The following HMX2 variants were observed in gnomAD, a reference collection of about 807,000 sequenced individuals.
HMX2 encodes the protein H6 family homeobox 2.
In HMX2, 15 loss-of-function variants were observed where a neutral mutation model predicts 21.2. That is an observed-to-expected ratio of 0.71 (90% CI 0.47 to 1.09). HMX2 has a LOEUF of 1.09. HMX2 is among the 50% of genes least tolerant of loss of function. The probability of loss-of-function intolerance (pLI) is 0.00; values close to 1 mark genes in which losing one functional copy is unlikely to be tolerated. For synonymous variants in HMX2, 193 were observed against 181.0 expected, an observed-to-expected ratio of 1.07 and a Z score of -0.53; for missense variants, 440 against 381.5, an observed-to-expected ratio of 1.15 and a Z score of -1.28.
Position 123,150,072 on chromosome 10 carries a change from C to G in HMX2, c.771C>G (p.Ser257Arg). Residue 257 changes from serine to arginine, a missense_variant, in exon 2 of 2, where the codon AGC (serine) becomes AGG (arginine). By Grantham distance (110) the Ser-to-Arg change is moderately radical. Coordinates refer to ENST00000339992, the MANE Select transcript of HMX2 (RefSeq NM_005519.2). The surrounding 1 kb of genome is among the most constrained non-coding windows in gnomAD (Gnocchi z 4.2). ...AFPAPLYYPGSNLSALPLYNL... is the reference protein window; with the variant it reads ...AFPAPLYYPGRNLSALPLYNL... ...CCGCGCCGCTCTACTACCCGGGAAGCAACCTCTCGGCCTTACCTCTCTACA... is the reference window on the plus strand; with the variant it reads ...CCGCGCCGCTCTACTACCCGGGAAGGAACCTCTCGGCCTTACCTCTCTACA... 6.3e-7 allele frequency: 1 copy of G among 1,597,476 alleles called. No homozygotes were observed. Among genetic ancestry groups the G allele is most frequent in the African/African-American group, 1.3e-5 (1 of 74,846 alleles).
chr10:123,150,026 T>C lies in HMX2; in HGVS notation c.725T>C (p.Val242Ala). ...GACAGTTCGCTGCTGCGCGTGCCGG[T>C]GCCGCGCTCGCTCGCCTTTCCCGCG... is the stretch of plus-strand genomic sequence containing the variant. ...FRDSSLLRVP[V>A]PRSLAFPAPL... is the part of the protein sequence containing the mutation. Residue 242 changes from valine to alanine, a missense_variant, in exon 2 of 2, where the codon GTG becomes GCG. Val to Ala is a moderately conservative substitution (Grantham distance 64). Transcript: ENST00000339992. This position sits in a 1 kb window ranked among gnomAD's most constrained non-coding sequence, Gnocchi z 4.2. 1.2e-6 allele frequency: 2 copies of C among 1,607,572 alleles called. No individual in the cohort carries two copies. Among genetic ancestry groups the C allele is most frequent in the Non-Finnish European group, 1.7e-6 (2 of 1,178,454 alleles).
Position 123,150,201 on chromosome 10 carries a change from A to T in HMX2, c.*78A>T. On this transcript the variant is annotated 3_prime_UTR_variant, in exon 2 of 2. Transcript: ENST00000339992. This position sits in a 1 kb window ranked among gnomAD's most constrained non-coding sequence, Gnocchi z 4.2. ...TGTACTGTAAGCAGGGCTCCGGAGCAAGGCGGCGTGTTTCCAGAAATATGA... is the reference window on the plus strand; with the variant it reads ...TGTACTGTAAGCAGGGCTCCGGAGCTAGGCGGCGTGTTTCCAGAAATATGA... 5 of 1,242,602 alleles carry T rather than the reference A, an allele frequency of 4.0e-6. No individual in the cohort carries two copies. The South Asian group carries it at 4.7e-5, about 12-fold the overall frequency. 77.0% of individuals were successfully genotyped at this position (1,242,602 alleles called of 1,614,324 possible). A position where few individuals can be genotyped will look rare whatever the true frequency, so the allele number is the denominator to read the frequency against.
In HMX2 at chr10:123,150,042, C is replaced by G. The variant is rs781608041; in HGVS notation, c.741C>G (p.Ala247=). The G allele has an allele frequency of 1.2e-6, 2 of 1,604,510 alleles. No individual in the cohort carries two copies. Among genetic ancestry groups the G allele is most frequent in the Admixed American group, 1.7e-5 (1 of 59,534 alleles). ...LLRVPVPRSL[A]FPAPLYYPGS... ...GCGTGCCGGTGCCGCGCTCGCTCGC[C>G]TTTCCCGCGCCGCTCTACTACCCGG... The change falls in exon 2 of 2, where the codon GCC becomes GCG. Residue 247 remains alanine, a synonymous_variant. Coordinates refer to ENST00000339992, the MANE Select transcript of HMX2 (RefSeq NM_005519.2). The surrounding 1 kb of genome is among the most constrained non-coding windows in gnomAD (Gnocchi z 4.2).
chr10:123,150,603 G>A lies in HMX2; in HGVS notation c.*480G>A. 1 of 153,376 alleles carries A rather than the reference G, an allele frequency of 6.5e-6. No individual in the cohort carries two copies. Among genetic ancestry groups the A allele is most frequent in the African/African-American group, 2.4e-5 (1 of 41,544 alleles). The allele number at this position is 153,376 out of a possible 1,614,324, so 9.5% of individuals were successfully genotyped here. A position where few individuals can be genotyped will look rare whatever the true frequency, so the allele number is the denominator to read the frequency against. On this transcript the variant is annotated 3_prime_UTR_variant, in exon 2 of 2. Transcript: ENST00000339992. The surrounding 1 kb of genome is among the most constrained non-coding windows in gnomAD (Gnocchi z 4.2). ...TTTCCCTCATCCCGAGGATGGTAGG[G>A]ACGAAAAGGGGAGAGTTCAGATCTG...
Position 123,150,090 on chromosome 10 carries a change from T to G in HMX2, c.789T>G (p.Pro263=), listed in dbSNP as rs1310061095. ...CGGGAAGCAACCTCTCGGCCTTACCTCTCTACAACCTATACAACAAGCTCG... is the reference window on the plus strand; with the variant it reads ...CGGGAAGCAACCTCTCGGCCTTACCGCTCTACAACCTATACAACAAGCTCG... The part of the protein sequence containing the change: ...YYPGSNLSAL[P]LYNLYNKLDY Residue 263 remains proline, a synonymous_variant, in exon 2 of 2, where the codon CCT becomes CCG. Coordinates refer to ENST00000339992, the MANE Select transcript of HMX2 (RefSeq NM_005519.2). This position sits in a 1 kb window ranked among gnomAD's most constrained non-coding sequence, Gnocchi z 4.2. The G allele has an allele frequency of 1.3e-6, 2 of 1,587,408 alleles. No individual in the cohort carries two copies. Among genetic ancestry groups the G allele is most frequent in the South Asian group, 2.2e-5 (2 of 89,272 alleles).
chr10:123,148,297 T>C lies in HMX2; in HGVS notation c.-82T>C. On this transcript the variant is annotated 5_prime_UTR_variant, in exon 1 of 2. Transcript: ENST00000339992. ...TCCCCGCCCCTCCCCACTGCCTGCC[T>C]GCTGCACCACCTTCCACCCAGATCA... The C allele has an allele frequency of 9.5e-7, 1 of 1,048,414 alleles. No individual in the cohort carries two copies. The highest frequency in any genetic ancestry group is 1.3e-6 in the Non-Finnish European group (1 of 740,990). 64.9% of individuals were successfully genotyped at this position (1,048,414 alleles called of 1,614,324 possible). A position where few individuals can be genotyped will look rare whatever the true frequency, so the allele number is the denominator to read the frequency against.
rs963137528 is a variant in HMX2 at position 123,150,660 on chromosome 10, C to T, written c.*537C>T. On this transcript the variant is annotated 3_prime_UTR_variant, in exon 2 of 2. Coordinates refer to ENST00000339992, the MANE Select transcript of HMX2 (RefSeq NM_005519.2). The surrounding 1 kb of genome is among the most constrained non-coding windows in gnomAD (Gnocchi z 4.2). ...TTTTTAAAAAGAAAAAAAAATAAAA[C>T]ATTTTAAACATCTTTGCTAACTTTG... is the stretch of plus-strand genomic sequence containing the variant. 2 of 152,124 alleles carry T rather than the reference C, an allele frequency of 1.3e-5. No individual in the cohort carries two copies. The highest frequency in any genetic ancestry group is 3.8e-4 in the East Asian group (2 of 5,198). 9.4% of individuals were successfully genotyped at this position (152,124 alleles called of 1,614,324 possible).
At position 123,148,240 on chromosome 10, in the gene HMX2, C is replaced by G; in HGVS notation, c.-139C>G. ...TCCCTGGCGCGGAAGGGACGCCTCA[C>G]CAGCCTCGGCGCCCCCTCCCCCTAG... On this transcript the variant is annotated 5_prime_UTR_variant, in exon 1 of 2. Transcript: ENST00000339992. The G allele has an allele frequency of 2.2e-6, 2 of 900,194 alleles. No individual in the cohort carries two copies. Among genetic ancestry groups the G allele is most frequent in the East Asian group, 5.4e-5 (2 of 37,286 alleles). 55.8% of individuals were successfully genotyped at this position (900,194 alleles called of 1,614,324 possible). A position where few individuals can be genotyped will look rare whatever the true frequency, so the allele number is the denominator to read the frequency against.
chr10:123,150,450 A>G lies in HMX2; in HGVS notation c.*327A>G. The G allele has an allele frequency of 4.3e-6, 1 of 234,724 alleles. No individual in the cohort carries two copies. The allele number at this position is 234,724 out of a possible 1,614,324, so 14.5% of individuals were successfully genotyped here. A position where few individuals can be genotyped will look rare whatever the true frequency, so the allele number is the denominator to read the frequency against. On this transcript the variant is annotated 3_prime_UTR_variant, in exon 2 of 2. Coordinates refer to ENST00000339992, the MANE Select transcript of HMX2 (RefSeq NM_005519.2). This position sits in a 1 kb window ranked among gnomAD's most constrained non-coding sequence, Gnocchi z 4.2. The stretch of plus-strand genomic sequence containing the variant: ...GCTGTGGTTGGTAGGGAAAAAAATC[A>G]GGAAAACACCTACAAAACCAGGTAC...
chr10:123,148,756 C>A, intron 1 of HMX2, 110 bp downstream of exon 1: 2 of 1,401,466 alleles, frequency 1.4e-6, no homozygotes, highest in Non-Finnish European at 1.9e-6. Flanking sequence ...GCTGCGGCAG[C>A]CGGGGGTTCG....
In HMX2 at chr10:123,149,969, A is replaced by G; in HGVS notation, c.668A>G (p.Gln223Arg). Residue 223 changes from glutamine (Q) to arginine (R), a missense_variant, in exon 2 of 2, where the codon CAG becomes CGG. Gln to Arg is a conservative substitution (Grantham distance 43, BLOSUM62 1). Transcript: ENST00000339992. This position sits in a 1 kb window ranked among gnomAD's most constrained non-coding sequence, Gnocchi z 5.4. ...EAANMAHASA[Q>R]TLVSMPLVFR... ...GCCAACATGGCGCACGCGTCGGCGC[A>G]GACTCTGGTGAGCATGCCGCTGGTG... 6.2e-7 allele frequency: 1 copy of G among 1,611,896 alleles called. No individual in the cohort carries two copies. Among genetic ancestry groups the G allele is most frequent in the Non-Finnish European group, 8.5e-7 (1 of 1,179,588 alleles).
In HMX2 at chr10:123,148,614, A is replaced by T. The variant is rs761493258; in HGVS notation, c.236A>T (p.Lys79Met). ...DQHGPKEQGP[K>M]HHPPIPFPCL... is the part of the protein sequence containing the mutation. ...CACGGCCCTAAGGAGCAGGGCCCCA[A>T]GCACCATCCCCCCATCCCTTTTCCT... is the stretch of plus-strand genomic sequence containing the variant. Residue 79 changes from lysine to methionine, a missense_variant, in exon 1 of 2, where the codon AAG becomes ATG. Physicochemically the swap from Lys to Met is moderately conservative, Grantham distance 95. Coordinates refer to ENST00000339992, the MANE Select transcript of HMX2 (RefSeq NM_005519.2). 3.1e-6 allele frequency: 5 copies of T among 1,612,416 alleles called. No homozygotes were observed. The South Asian group carries it at 5.5e-5, about 18-fold the overall frequency.
At chr10:123,148,704 GCGCCC>G in intron 1 of HMX2, 58 bp downstream of exon 1, 1 of 1,570,172 alleles carries the variant, frequency 6.4e-7, no homozygotes, top group Non-Finnish European at 8.6e-7. Context: ...GGGAGGCTGA[GCGCCC>G]CGCCAAGACT....
Position 123,149,972 on chromosome 10 carries a change from C to T in HMX2, c.671C>T (p.Thr224Ile). The change falls in exon 2 of 2, where the codon ACT becomes ATT. Residue 224 changes from threonine to isoleucine, a missense_variant. Physicochemically the swap from Thr to Ile is moderately conservative, Grantham distance 89. Transcript: ENST00000339992. This position sits in a 1 kb window ranked among gnomAD's most constrained non-coding sequence, Gnocchi z 5.4. ...AANMAHASAQ[T>I]LVSMPLVFRD... ...AACATGGCGCACGCGTCGGCGCAGA[C>T]TCTGGTGAGCATGCCGCTGGTGTTC... The T allele has an allele frequency of 6.2e-7, 1 of 1,611,806 alleles. No individual in the cohort carries two copies. The highest frequency in any genetic ancestry group is 8.5e-7 in the Non-Finnish European group (1 of 1,179,540).
rs1211151257 is a variant in HMX2, at chr10:123,149,377, G to C, written c.269-193G>C. Among the ~76,000 whole-genome samples, 1 of 152,178 alleles carries C rather than the reference G, an allele frequency of 6.6e-6. No individual in the cohort carries two copies. Among genetic ancestry groups the C allele is most frequent in the Non-Finnish European group, 1.5e-5 (1 of 68,038 alleles). On this transcript the variant is annotated intron_variant, in intron 1 of 1. Transcript: ENST00000339992. The surrounding 1 kb of genome is among the most constrained non-coding windows in gnomAD (Gnocchi z 5.4). ...AGAGACCCCATACTCCAAGTAGCTG[G>C]GTCCCTCTCTTGTCGCTTTTAAAGG...
At chr10:123,148,843 C>T (rs562201104) in intron 1 of HMX2, among the ~76,000 whole-genome samples, 197 bp downstream of exon 1, 1 of 151,298 alleles carries the variant, frequency 6.6e-6, no homozygotes, top group South Asian at 2.1e-4. Context: ...AACACAGACC[C>T]GTGCCGGCTT....
intron 1 of HMX2, among the ~76,000 whole-genome samples, chr10:123,148,905 G>A (rs1844234665): frequency 6.6e-6 from 1 of 152,326 alleles, no homozygotes; most frequent in Non-Finnish European, 1.5e-5. Context: ...CAGCGAGAGG[G>A]ACACGCGGCC....
chr10:123,148,465 C>T lies in HMX2; in HGVS notation c.87C>T (p.Gly29=), dbSNP rs749490178. 1.2e-6 allele frequency: 2 copies of T among 1,612,960 alleles called. No homozygotes were observed. The highest frequency in any genetic ancestry group is 1.7e-6 in the Non-Finnish European group (2 of 1,179,444). The change falls in exon 1 of 2, where the codon GGC becomes GGT. Residue 29 remains glycine, a synonymous_variant. Transcript: ENST00000339992. ...SFTIQSILGG[G]PSEAPREPVG... ...CCATCCAGTCCATCCTGGGCGGGGG[C>T]CCCTCGGAGGCACCGCGGGAGCCCG... is the stretch of plus-strand genomic sequence containing the variant.
rs1844259633 is a variant in HMX2, at chr10:123,150,419, A to T, written c.*296A>T. On this transcript the variant is annotated 3_prime_UTR_variant, in exon 2 of 2. Coordinates refer to ENST00000339992, the MANE Select transcript of HMX2 (RefSeq NM_005519.2). This position sits in a 1 kb window ranked among gnomAD's most constrained non-coding sequence, Gnocchi z 4.2. ...GGTGGTGGGAAAGGGAGTTTTGGCC[A>T]GACAGGCTGTGGTTGGTAGGGAAAA... The T allele has an allele frequency of 3.5e-6, 1 of 284,118 alleles. No individual in the cohort carries two copies. The highest frequency in any genetic ancestry group is 6.6e-6 in the Non-Finnish European group (1 of 152,504). 17.6% of individuals were successfully genotyped at this position (284,118 alleles called of 1,614,324 possible). A position where few individuals can be genotyped will look rare whatever the true frequency, so the allele number is the denominator to read the frequency against.
Sources: gnomAD v4.1 joint callset for allele counts (sites outside exome capture counted in the v4.1 genomes callset) on GRCh38, gnomAD v4.1.1 for gene constraint, Gnocchi (gnomAD v3.1) non-coding constraint, MANE v1.5 for transcripts, NCBI Gene and HGNC (gene_info 2026-07-23, HGNC 2026-07-21) for gene names.